SNPH: variants seen among roughly 807,000 people sequenced by gnomAD.
SNPH encodes the protein syntaphilin.
A neutral mutation model predicts 36.8 loss-of-function variants in SNPH; 10 were observed. The observed-to-expected ratio is 0.27, with a 90% CI of 0.17 to 0.46. The LOEUF is 0.46. SNPH is among the 20% of genes least tolerant of loss of function. The probability of loss-of-function intolerance (pLI) is 1.00; values close to 1 mark genes in which losing one functional copy is unlikely to be tolerated. For missense variants in SNPH, 622 were observed against 744.0 expected (o/e 0.84, Z 1.91); for synonymous variants, 281 against 312.2 (o/e 0.90, Z 1.05).
chr20:1,296,398 A>C lies in SNPH; in HGVS notation c.159A>C (p.Arg53Ser). Residue 53 changes from arginine to serine, a missense_variant, in exon 4 of 7, where the codon AGA becomes AGC. Transcript: ENST00000381867. ...TGGCCATGTCCCTGCCAGGAAGTAGACGGACCTCTGCTGGATCACGCAGGT... is the reference window on the plus strand; with the variant it reads ...TGGCCATGTCCCTGCCAGGAAGTAGCCGGACCTCTGCTGGATCACGCAGGT... ...SLMAMSLPGS[R>S]RTSAGSRRRT... 1 of 1,604,366 alleles carries C rather than the reference A, an allele frequency of 6.2e-7. No homozygotes were observed. Among genetic ancestry groups the C allele is most frequent in the African/African-American group, 1.3e-5 (1 of 74,230 alleles).
In SNPH at chr20:1,294,742, G is replaced by C. The variant is rs904673855; in HGVS notation, c.-492-209G>C. ...GCCCCGCCGCTGGCTGGGATGACCA[G>C]GCTCCGGGGAGGCCCTGACATGGGA... On this transcript the variant is annotated intron_variant, in intron 2 of 6. Transcript: ENST00000381867. The surrounding 1 kb of genome is among the most constrained non-coding windows in gnomAD (Gnocchi z 4.4). Among the ~76,000 whole-genome samples the C allele has an allele frequency of 6.6e-6, 1 of 152,202 alleles. No individual in the cohort carries two copies. Among genetic ancestry groups the C allele is most frequent in the African/African-American group, 2.4e-5 (1 of 41,442 alleles).
At chr20:1,268,943 G>C (rs149788236) in intron 2 of SNPH, among the ~76,000 whole-genome samples, 1 of 152,316 alleles carries the variant, frequency 6.6e-6, no homozygotes, top group Admixed American at 6.5e-5. Context: ...TAGACCAAAA[G>C]GGGCCAGATG....
chr20:1,280,834 G>A lies in SNPH; in HGVS notation c.-493+14074G>A, dbSNP rs114902198. Among the ~76,000 whole-genome samples the A allele has an allele frequency of 3.9e-3, 592 of 152,234 alleles. 4 individuals are homozygous for A. The highest frequency in any genetic ancestry group is 0.014 in the African/African-American group (569 of 41,520). On this transcript the variant is annotated intron_variant, in intron 2 of 6. Coordinates refer to ENST00000381867, the MANE Select transcript of SNPH (RefSeq NM_001318234.2). ...CAGGTGTTTACTAAGCCTCGATTTC[G>A]AATCCAGCTCTGTTCCTAGCACCTG...
At position 1,305,089 on chromosome 20, in the gene SNPH, A is replaced by C. The variant is rs779907799; in HGVS notation, c.652A>C (p.Asn218His). The change falls in exon 7 of 7, where the codon AAC (asparagine) becomes CAC (histidine). Residue 218 changes from asparagine to histidine, a missense_variant. Physicochemically the swap from Asn to His is moderately conservative, Grantham distance 68. Transcript: ENST00000381867. Reference sequence around the variant, plus strand: ...GTACTTCGTGGACATCAACATCCAGAACAAGAAGCTGGAGACGCTGCTGCA... The same window carrying C: ...GTACTTCGTGGACATCAACATCCAGCACAAGAAGCTGGAGACGCTGCTGCA... The part of the protein sequence containing the change: ...QKYFVDINIQ[N>H]KKLETLLHSM... The C allele has an allele frequency of 6.2e-7, 1 of 1,614,030 alleles. No homozygotes were observed. The highest frequency in any genetic ancestry group is 1.1e-5 in the South Asian group (1 of 91,084).
At chr20:1,275,024 G>A (rs577488672) in intron 2 of SNPH, among the ~76,000 whole-genome samples, 2 of 152,332 alleles carry the variant, frequency 1.3e-5, no homozygotes, top group South Asian at 2.1e-4. Context: ...TGTGAGGCAA[G>A]TGTCATGAGG....
chr20:1,300,533 C>T (rs755951397), intron 5 of SNPH, 29 bp from the exon 6 acceptor site: 6 of 1,613,408 alleles, frequency 3.7e-6, no homozygotes, highest in Non-Finnish European at 5.1e-6. Context: ...CCTCTTCCTC[C>T]CTCCCTGATG....
rs1441076865 is a variant in SNPH at position 1,295,915 on chromosome 20, G to A, written c.-325G>A. ...CAGAGAGGGAGGACTGAACAGCAAG[G>A]GGGTGTGTGGGTCTGAGTATCAGGG... On this transcript the variant is annotated 5_prime_UTR_variant, in exon 4 of 7. Coordinates refer to ENST00000381867, the MANE Select transcript of SNPH (RefSeq NM_001318234.2). 1.7e-5 allele frequency: 5 copies of A among 291,532 alleles called. No individual in the cohort carries two copies. The highest frequency in any genetic ancestry group is 2.5e-5 in the Non-Finnish European group (4 of 158,662). The allele number at this position is 291,532 out of a possible 1,614,324, so 18.1% of individuals were successfully genotyped here. A position where few individuals can be genotyped will look rare whatever the true frequency, so the allele number is the denominator to read the frequency against.
In SNPH at chr20:1,306,200, C is replaced by A; in HGVS notation, c.*146C>A. 1.4e-6 allele frequency: 1 copy of A among 698,340 alleles called. No homozygotes were observed. The highest frequency in any genetic ancestry group is 2.1e-6 in the Non-Finnish European group (1 of 474,570). 43.3% of individuals were successfully genotyped at this position (698,340 alleles called of 1,614,324 possible). ...TTTTTTTCAAGATGTTAAAACAGTC[C>A]CGTGGAAGGAGCAGGGGTTGGAGAA... On this transcript the variant is annotated 3_prime_UTR_variant, in exon 7 of 7. Coordinates refer to ENST00000381867, the MANE Select transcript of SNPH (RefSeq NM_001318234.2).
chr20:1,288,714 C>G (rs2088314380), intron 2 of SNPH, among the ~76,000 whole-genome samples: 1 of 151,588 alleles, frequency 6.6e-6, no homozygotes, highest in Non-Finnish European at 1.5e-5. Context: ...CTCTGCCTCC[C>G]AGGCTCAAGA....
At chr20:1,291,873 A>G (rs2088366425) in intron 2 of SNPH, among the ~76,000 whole-genome samples, 1 of 152,238 alleles carries the variant, frequency 6.6e-6, no homozygotes, top group Admixed American at 6.5e-5. Flanking sequence ...GATTGGGGAA[A>G]ATGCTATCAT....
At position 1,304,441 on chromosome 20, in the gene SNPH, T is replaced by C. The variant is rs1017495126; in HGVS notation, c.441-437T>C. On this transcript the variant is annotated intron_variant, in intron 6 of 6. Transcript: ENST00000381867. The surrounding 1 kb of genome is among the most constrained non-coding windows in gnomAD (Gnocchi z 4.3). The stretch of plus-strand genomic sequence containing the variant: ...TAGTAGGAGGCTACATCACTTTCTA[T>C]AGAGCAGAGATTTCCTGCCTAGTTT... Among the ~76,000 whole-genome samples the C allele has an allele frequency of 4.6e-5, 7 of 152,218 alleles. No homozygotes were observed. Among genetic ancestry groups the C allele is most frequent in the Non-Finnish European group, 7.3e-5 (5 of 68,042 alleles).
intron 2 of SNPH, among the ~76,000 whole-genome samples, chr20:1,289,622 A>G (rs570219880): frequency 2.7e-5 from 4 of 150,920 alleles, no homozygotes; most frequent in Admixed American, 6.6e-5. Context: ...ACGCTGGTGG[A>G]TGGCTTGAGG....
chr20:1,303,770 G>A (rs921217828), intron 6 of SNPH, among the ~76,000 whole-genome samples: 28 of 152,134 alleles, frequency 1.8e-4, no homozygotes, highest in African/African-American at 6.0e-4. Flanking sequence ...GATCTGGGAC[G>A]GTCATTCTGC....
Position 1,296,333 on chromosome 20 carries a change from A to G in SNPH, c.94A>G (p.Ile32Val). 1 of 1,565,800 alleles carries G rather than the reference A, an allele frequency of 6.4e-7. No homozygotes were observed. Among genetic ancestry groups the G allele is most frequent in the Non-Finnish European group, 8.7e-7 (1 of 1,149,622 alleles). ...PTRPLSSAPGIPPIPPLTRTH... is the reference protein window; with the variant it reads ...PTRPLSSAPGVPPIPPLTRTH... ...CCGCCCTCTCTCCTCAGCCCCCGGG[A>G]TACCGCCCATCCCACCCCTTACTCG... The change falls in exon 4 of 7, where the codon ATA (isoleucine) becomes GTA (valine). Residue 32 changes from isoleucine (I) to valine (V), a missense_variant. This residue lies in a region of SNPH where 187 missense variants were observed against 209.4 expected (regional missense o/e 0.89). Coordinates refer to ENST00000381867, the MANE Select transcript of SNPH (RefSeq NM_001318234.2).
intron 2 of SNPH, among the ~76,000 whole-genome samples, chr20:1,267,219 G>A (rs2088018306): frequency 6.6e-6 from 1 of 150,716 alleles, no homozygotes; most frequent in African/African-American, 2.4e-5. Flanking sequence ...GGGCCCTGCA[G>A]TAGATCTGGG....
intron 2 of SNPH, among the ~76,000 whole-genome samples, chr20:1,289,702 G>C (rs572140732): frequency 6.6e-6 from 1 of 151,512 alleles, no homozygotes; most frequent in Admixed American, 6.6e-5. Context: ...AAATAGATTA[G>C]CCAGGTGAGG....
At chr20:1,287,392 C>A (rs1022492091) in intron 2 of SNPH, among the ~76,000 whole-genome samples, 1 of 152,096 alleles carries the variant, frequency 6.6e-6, no homozygotes, top group Non-Finnish European at 1.5e-5. Flanking sequence ...TGAAAAGGTT[C>A]CCTTTGTTCT....
At position 1,279,827 on chromosome 20, in the gene SNPH, G is replaced by A. The variant is rs114577745; in HGVS notation, c.-493+13067G>A. On this transcript the variant is annotated intron_variant, in intron 2 of 6. Transcript: ENST00000381867. ...TCTGATGTCCAGAGAGGCCTGGCTG[G>A]CCCTTGATGCCTTTTATTCCTGTGA... Among the ~76,000 whole-genome samples, 301 of 152,246 alleles carry A rather than the reference G, an allele frequency of 2.0e-3. 1 individual carries two copies. Among genetic ancestry groups the A allele is most frequent in the African/African-American group, 7.1e-3 (295 of 41,526 alleles).
At chr20:1,284,036 A>T (rs2088256238) in intron 2 of SNPH, among the ~76,000 whole-genome samples, 2 of 152,154 alleles carry the variant, frequency 1.3e-5, no homozygotes, top group South Asian at 4.1e-4. Flanking sequence ...CCTCATGTAC[A>T]CACAAGGAAA....
Sources: gnomAD v4.1 joint callset for allele counts (sites outside exome capture counted in the v4.1 genomes callset) on GRCh38, gnomAD v4.1.1 for gene constraint, gnomAD v4.1.1 regional missense constraint, Gnocchi (gnomAD v3.1) non-coding constraint, MANE v1.5 for transcripts, NCBI Gene and HGNC (gene_info 2026-07-23, HGNC 2026-07-21) for gene names.